The following H2BC12 variants were observed in gnomAD, a reference collection of about 807,000 sequenced individuals.
The protein encoded by H2BC12 is H2B clustered histone 12, also known as histone H2B type 1-K.
H2BC12 carries 6 observed loss-of-function variants against 6.3 expected under a neutral mutation model. That is an observed-to-expected ratio of 0.95 (90% CI 0.52 to 1.87). H2BC12 has a LOEUF of 1.87. Among genes scored for constraint, H2BC12 ranks in the 40% most tolerant of loss-of-function variants. The probability of loss-of-function intolerance (pLI) is 0.01; values close to 1 mark genes in which losing one functional copy is unlikely to be tolerated. For missense variants in H2BC12, 119 were observed against 178.4 expected, an observed-to-expected ratio of 0.67 and a Z score of 1.90; for synonymous variants, 132 against 78.5, an observed-to-expected ratio of 1.68 and a Z score of -3.60.
chr6:27,145,295 T>TACACACACACACACACACACACAC (rs57882884), downstream of H2BC12, among the ~76,000 whole-genome samples: 2 of 142,614 alleles, frequency 1.4e-5, no homozygotes, highest in Admixed American at 7.0e-5. Context: ...ATATGTTAAA[T>TACACACACACACACACACACACAC]ACACACACAC....
chr6:27,143,015 A>G (rs190319278), downstream of H2BC12, among the ~76,000 whole-genome samples: 60 of 152,276 alleles, frequency 3.9e-4, no homozygotes, highest in African/African-American at 1.3e-3. Context: ...AAAAAATCCT[A>G]GTTCAATAAA....
At chr6:27,145,335 C>CAAAA (rs1760059732), downstream of H2BC12, among the ~76,000 whole-genome samples, 1 of 146,780 alleles carries the variant, frequency 6.8e-6, no homozygotes, top group African/African-American at 2.6e-5. Context: ...CACACACACA[C>CAAAA]ACAAAATTCC....
chr6:27,141,958 G>A (rs756870759), downstream of H2BC12, among the ~76,000 whole-genome samples: 2 of 152,186 alleles, frequency 1.3e-5, no homozygotes, highest in African/African-American at 2.4e-5. Flanking sequence ...GCATGTGACT[G>A]AGGGAGTAAG....
At chr6:27,145,048 A>ATATAGG (rs1184073407), downstream of H2BC12, among the ~76,000 whole-genome samples, 1 of 152,082 alleles carries the variant, frequency 6.6e-6, no homozygotes, top group South Asian at 2.1e-4. Context: ...CTGCCCTCCT[A>ATATAGG]TATAGGTATA....
At chr6:27,145,295 T>TACACACACACACACACAC (rs57882884), downstream of H2BC12, among the ~76,000 whole-genome samples, 44 of 142,720 alleles carry the variant, frequency 3.1e-4, no homozygotes, top group African/African-American at 9.0e-4. Flanking sequence ...ATATGTTAAA[T>TACACACACACACACACAC]ACACACACAC....
chr6:27,138,583 C>G, the H2BC12 span: 1 of 152,222 alleles, frequency 6.6e-6, no homozygotes, highest in African/African-American at 2.4e-5. Context: ...TTCTCGTCTT[C>G]TTTTCTGCAG....
downstream of H2BC12, among the ~76,000 whole-genome samples, chr6:27,142,145 A>G (rs1015935735): frequency 6.6e-6 from 1 of 152,356 alleles, no homozygotes; most frequent in Non-Finnish European, 1.5e-5. Context: ...TGTAAAATAC[A>G]CACCAGATTT....
chr6:27,142,148 C>T (rs1019468778), downstream of H2BC12, among the ~76,000 whole-genome samples: 3 of 151,936 alleles, frequency 2.0e-5, no homozygotes, highest in African/African-American at 7.3e-5. Flanking sequence ...AAAATACACA[C>T]CAGATTTTGA....
At chr6:27,139,712 T>C in the H2BC12 span, 4 of 1,484,634 alleles carry the variant, frequency 2.7e-6, no homozygotes, top group East Asian at 2.3e-5. Context: ...GCAAACTGAG[T>C]CTCTTAATAG....
At chr6:27,146,857 G>A (rs545853546), upstream of H2BC12, 60 of 1,588,114 alleles carry the variant, frequency 3.8e-5, no homozygotes, top group Non-Finnish European at 5.0e-5. Context: ...GGAAGTAATG[G>A]GAGCAAGGTA....
chr6:27,138,557 T>C, the H2BC12 span: 1 of 152,224 alleles, frequency 6.6e-6, no homozygotes, highest in South Asian at 2.1e-4. Context: ...GAAAAGTCCA[T>C]CTAGGTATGG....
At chr6:27,144,072 T>A (rs1348677943), downstream of H2BC12, among the ~76,000 whole-genome samples, 1 of 152,202 alleles carries the variant, frequency 6.6e-6, no homozygotes, top group Non-Finnish European at 1.5e-5. Flanking sequence ...AATCTTGTTC[T>A]GAGTCTAATG....
chr6:27,144,376 C>G (rs988387863), downstream of H2BC12, among the ~76,000 whole-genome samples: 1 of 137,688 alleles, frequency 7.3e-6, no homozygotes, highest in Non-Finnish European at 1.5e-5. Context: ...GCAAGATAAT[C>G]GCTTGAACCT....
At chr6:27,139,226 T>C in the H2BC12 span, 3 of 1,465,944 alleles carry the variant, frequency 2.0e-6, no homozygotes, top group Non-Finnish European at 2.7e-6. Context: ...GCTCTTCCGG[T>C]TTTCAGTCTG....
At chr6:27,139,390 C>T in the H2BC12 span, 5 of 1,614,124 alleles carry the variant, frequency 3.1e-6, no homozygotes, top group Admixed American at 6.7e-5. Context: ...CGACAACATC[C>T]AGGGTATCAC....
chr6:27,141,814 G>A (rs965051963), downstream of H2BC12, among the ~76,000 whole-genome samples: 2 of 152,138 alleles, frequency 1.3e-5, no homozygotes, highest in Admixed American at 6.5e-5. Flanking sequence ...AGGAAAAACC[G>A]TAGTAGGTGG....
chr6:27,139,318 C>T, the H2BC12 span: 3 of 1,607,462 alleles, frequency 1.9e-6, no homozygotes, highest in African/African-American at 1.3e-5. Flanking sequence ...AATGTCAGGA[C>T]GCGGCAAAGG....
chr6:27,146,147 T>C (rs1760074912), downstream of H2BC12, among the ~76,000 whole-genome samples: 1 of 152,222 alleles, frequency 6.6e-6, no homozygotes. Context: ...GCACTTTCTG[T>C]TAACACAAGT....
At chr6:27,142,404 C>T (rs1167664195), downstream of H2BC12, among the ~76,000 whole-genome samples, 4 of 151,764 alleles carry the variant, frequency 2.6e-5, no homozygotes, top group East Asian at 7.8e-4. Context: ...TCCCAAGTAG[C>T]TGGGATTACA....
Sources: allele counts gnomAD v4.1 joint callset (sites outside exome capture counted in the v4.1 genomes callset), GRCh38; gene constraint gnomAD v4.1.1; transcripts MANE v1.5; gene names NCBI Gene and HGNC (gene_info 2026-07-23, HGNC 2026-07-21).